The following XKR9 variants were observed in gnomAD, a reference collection of about 807,000 sequenced individuals.
XKR9 encodes the protein XK related 9.
Under a neutral mutation model 32.0 loss-of-function variants are expected in XKR9, and 32 were observed. That is an observed-to-expected ratio of 1.00 (90% CI 0.76 to 1.34). The LOEUF (loss-of-function observed/expected upper bound fraction) is 1.34. Ranked by LOEUF, XKR9 falls within the 40% of genes most tolerant of loss-of-function variation. The pLI is 0.00. For synonymous variants in XKR9, 168 were observed against 143.4 expected, an observed-to-expected ratio of 1.17 and a Z score of -1.22; for missense variants, 546 against 429.7, an observed-to-expected ratio of 1.27 and a Z score of -2.39.
chr8:70,922,672 C>T, the XKR9 span, among the ~76,000 whole-genome samples: 1 of 152,144 alleles, frequency 6.6e-6, no homozygotes, highest in African/African-American at 2.4e-5. Flanking sequence ...TCTGTCAAAC[C>T]AACAATAACA....
chr8:70,707,554 A>G (rs1805764158), intron 4 of XKR9, among the ~76,000 whole-genome samples: 1 of 152,068 alleles, frequency 6.6e-6, no homozygotes, highest in Non-Finnish European at 1.5e-5. Flanking sequence ...TAGTATTGCA[A>G]ATTATGAATG....
chr8:70,882,912 A>T, the XKR9 span, among the ~76,000 whole-genome samples: 1 of 149,378 alleles, frequency 6.7e-6, no homozygotes, highest in Non-Finnish European at 1.5e-5. Context: ...CCTGTGCTTT[A>T]TCTAGTTAGC....
the XKR9 span, among the ~76,000 whole-genome samples, chr8:70,996,263 C>T: frequency 6.6e-6 from 1 of 152,026 alleles, no homozygotes; most frequent in Middle Eastern, 3.2e-3. Context: ...TTACAATTTA[C>T]CCTAGGTCTG....
At chr8:70,702,035 G>A (rs190959635) in intron 3 of XKR9, among the ~76,000 whole-genome samples, 16 of 152,204 alleles carry the variant, frequency 1.1e-4, no homozygotes, top group Non-Finnish European at 2.2e-4. Flanking sequence ...TATAATGGGA[G>A]TTGAATCTCC....
the XKR9 span, among the ~76,000 whole-genome samples, chr8:70,950,745 C>G: frequency 6.6e-6 from 1 of 152,088 alleles, no homozygotes; most frequent in Non-Finnish European, 1.5e-5. Context: ...GTGATCTAAG[C>G]TCACTGCAAC....
At chr8:70,688,451 C>T (rs1819385007) in intron 3 of XKR9, among the ~76,000 whole-genome samples, 1 of 151,206 alleles carries the variant, frequency 6.6e-6, no homozygotes, top group Non-Finnish European at 1.5e-5. Flanking sequence ...GAGTCTTGCT[C>T]TGTTACCCAG....
chr8:70,811,757 A>T, the XKR9 span, among the ~76,000 whole-genome samples: 948 of 152,204 alleles, frequency 6.2e-3, 14 homozygotes, highest in African/African-American at 0.022. Flanking sequence ...GTTGAATCTC[A>T]GAATAGACCA....
In XKR9 at chr8:70,744,858, G is replaced by A. The variant is rs532416508; in HGVS notation, n.352+37705G>A. On this transcript the variant is annotated intron_variant and non_coding_transcript_variant, in intron 2 of 3. Coordinates refer to the XKR9 transcript ENST00000520273. ...TGGCCTCAAGTGATCTACCTGCCTC[G>A]GCCTCCCAAAGTGCTGGGATTACAG... Among the ~76,000 whole-genome samples, 6 of 143,048 alleles carry A rather than the reference G, an allele frequency of 4.2e-5. No homozygotes were observed. In the East Asian group the frequency reaches 9.7e-4, roughly 23 times the overall value. 93.8% of individuals were successfully genotyped at this position (143,048 alleles called of 152,430 possible).
intron 3 of XKR9, among the ~76,000 whole-genome samples, chr8:70,696,359 A>G (rs1364251338): frequency 2.6e-5 from 4 of 152,160 alleles, no homozygotes; most frequent in Non-Finnish European, 4.4e-5. Flanking sequence ...TAATTTTTGT[A>G]TAAGGTGTAA....
chr8:70,865,508 T>A, the XKR9 span, among the ~76,000 whole-genome samples: 1 of 152,162 alleles, frequency 6.6e-6, no homozygotes, highest in South Asian at 2.1e-4. Context: ...TGCAATTGTA[T>A]TTTTTTAATT....
the XKR9 span, among the ~76,000 whole-genome samples, chr8:71,030,827 A>C: frequency 2.8e-4 from 42 of 152,304 alleles, no homozygotes; most frequent in Non-Finnish European, 5.6e-4. Flanking sequence ...TGAGGTTCAC[A>C]CTTTAGAATC....
chr8:71,015,262 G>A, the XKR9 span, among the ~76,000 whole-genome samples: 21 of 152,072 alleles, frequency 1.4e-4, no homozygotes, highest in Non-Finnish European at 2.5e-4. Context: ...GTCAAAAAAC[G>A]TCTGTTTTTG....
the XKR9 span, among the ~76,000 whole-genome samples, chr8:71,020,308 A>G: frequency 6.6e-6 from 1 of 152,240 alleles, no homozygotes; most frequent in Non-Finnish European, 1.5e-5. Context: ...ATTCTGTATT[A>G]GAAAAACTGT....
intron 4 of XKR9, among the ~76,000 whole-genome samples, chr8:70,733,539 A>T (rs1291236823): frequency 6.6e-6 from 1 of 152,096 alleles, no homozygotes; most frequent in Non-Finnish European, 1.5e-5. Context: ...TAGTGGATAA[A>T]TCTATCCACT....
At chr8:70,891,832 T>A in the XKR9 span, among the ~76,000 whole-genome samples, 71 of 152,214 alleles carry the variant, frequency 4.7e-4, no homozygotes, top group East Asian at 0.013. Flanking sequence ...CTAGATAATT[T>A]GTCTAATGCT....
chr8:70,978,016 T>C, the XKR9 span, among the ~76,000 whole-genome samples: 3 of 152,240 alleles, frequency 2.0e-5, no homozygotes, highest in Non-Finnish European at 4.4e-5. Context: ...TTTTGATCTT[T>C]GTTGGTTCAA....
the XKR9 span, among the ~76,000 whole-genome samples, chr8:70,995,735 C>CA: frequency 6.6e-6 from 1 of 152,126 alleles, no homozygotes; most frequent in African/African-American, 2.4e-5. Context: ...AAGCTGGCCT[C>CA]AAATTCTTGG....
chr8:70,888,330 G>A, the XKR9 span, among the ~76,000 whole-genome samples: 3 of 151,516 alleles, frequency 2.0e-5, no homozygotes, highest in South Asian at 2.1e-4. Context: ...CGTTGTTTGA[G>A]TTCCTTTTAT....
At chr8:70,998,338 T>G in the XKR9 span, among the ~76,000 whole-genome samples, 12 of 152,194 alleles carry the variant, frequency 7.9e-5, no homozygotes, top group Non-Finnish European at 1.6e-4. Flanking sequence ...TGCTCTTTGG[T>G]GAAGTGCTTC....
Sources: allele counts gnomAD v4.1 joint callset (sites outside exome capture counted in the v4.1 genomes callset), GRCh38; gene constraint gnomAD v4.1.1; transcripts MANE v1.5; gene names NCBI Gene and HGNC (gene_info 2026-07-23, HGNC 2026-07-21).